PRKCE: variants seen among roughly 807,000 people sequenced by gnomAD.
The protein encoded by PRKCE is protein kinase C epsilon, also known as protein kinase C epsilon type.
PRKCE carries 16 observed loss-of-function variants against 85.4 expected under a neutral mutation model. The observed-to-expected ratio is 0.19, with a 90% CI of 0.13 to 0.28. The LOEUF is 0.28. PRKCE is among the 10% of genes least tolerant of loss of function. The pLI is 1.00. For synonymous variants in PRKCE, 388 were observed against 371.5 expected, an observed-to-expected ratio of 1.04 and a Z score of -0.51; for missense variants, 573 against 975.2, an observed-to-expected ratio of 0.59 and a Z score of 5.49.
chr2:45,959,332 A>G lies in PRKCE; in HGVS notation c.413-17097A>G, dbSNP rs139381019. Among the ~76,000 whole-genome samples, 150 of 152,266 alleles carry G rather than the reference A, an allele frequency of 9.9e-4. 1 individual carries two copies. The highest frequency in any genetic ancestry group is 3.6e-3 in the African/African-American group (149 of 41,542). On this transcript the variant is annotated intron_variant, in intron 2 of 14. Transcript: ENST00000306156. ...GTTTTTCTCAGGCAGGTGGTTTGGA[A>G]GAACAAAATATATAATGTCATGTCT...
intron 10 of PRKCE, chr2:46,010,815 G>A (rs1284594751): frequency 6.4e-6 from 10 of 1,573,220 alleles, no homozygotes; most frequent in Non-Finnish European, 8.6e-6. Context: ...AACAAGTGTG[G>A]TTAGTCCTTG....
At chr2:45,990,192 T>G (rs2245633) in intron 6 of PRKCE, among the ~76,000 whole-genome samples, 1 of 151,918 alleles carries the variant, frequency 6.6e-6, no homozygotes, top group Non-Finnish European at 1.5e-5. Context: ...ATCTGAAAAC[T>G]CAACTGGAAG....
intron 11 of PRKCE, among the ~76,000 whole-genome samples, chr2:46,130,803 C>G (rs907982348): frequency 3.3e-5 from 5 of 152,220 alleles, no homozygotes; most frequent in African/African-American, 1.2e-4. Flanking sequence ...GTAGAAAGTG[C>G]TGCTTGTTTT....
chr2:45,836,186 G>C (rs1276931232), intron 1 of PRKCE, among the ~76,000 whole-genome samples: 3 of 152,178 alleles, frequency 2.0e-5, no homozygotes, highest in African/African-American at 7.2e-5. Context: ...GGACAGACAG[G>C]GTCCTGCTTT....
intron 1 of PRKCE, among the ~76,000 whole-genome samples, chr2:45,659,642 A>T (rs1675542428): frequency 6.6e-6 from 1 of 151,870 alleles, no homozygotes; most frequent in Non-Finnish European, 1.5e-5. Context: ...CCCACTTGAC[A>T]CCCCTTAAAT....
rs938805076 is a variant in PRKCE at position 46,150,952 on chromosome 2, T to C, written c.1732-89T>C. The C allele has an allele frequency of 4.9e-6, 6 of 1,233,312 alleles. No individual in the cohort carries two copies. In the African/African-American group the frequency reaches 6.0e-5, roughly 12 times the overall value. The allele number at this position is 1,233,312 out of a possible 1,614,324, so 76.4% of individuals were successfully genotyped here. ...AACTGTAGGGAGGAGCAAGTTGGAATTGAAGTCCTTCCCATGGGCGTTCGT... is the reference window on the plus strand; with the variant it reads ...AACTGTAGGGAGGAGCAAGTTGGAACTGAAGTCCTTCCCATGGGCGTTCGT... On this transcript the variant is annotated intron_variant, in intron 12 of 14. Coordinates refer to ENST00000306156, the MANE Select transcript of PRKCE (RefSeq NM_005400.3).
At chr2:45,943,737 G>A (rs561932849) in intron 2 of PRKCE, among the ~76,000 whole-genome samples, 1 of 152,184 alleles carries the variant, frequency 6.6e-6, no homozygotes, top group Non-Finnish European at 1.5e-5. Flanking sequence ...CAGAAACCAA[G>A]CCTCCTCTCC....
intron 2 of PRKCE, among the ~76,000 whole-genome samples, chr2:45,948,759 G>A (rs1268294873): frequency 6.6e-6 from 1 of 152,170 alleles, no homozygotes; most frequent in Non-Finnish European, 1.5e-5. Context: ...CTGGGCTGAA[G>A]TTGGTGTTTA....
chr2:45,992,954 G>A (rs2104662980), intron 6 of PRKCE, among the ~76,000 whole-genome samples: 1 of 152,306 alleles, frequency 6.6e-6, no homozygotes, highest in Admixed American at 6.5e-5. Context: ...TAGTAGAAGA[G>A]CGCTTCTCTT....
At chr2:45,730,203 C>T (rs913797998) in intron 1 of PRKCE, among the ~76,000 whole-genome samples, 7 of 152,138 alleles carry the variant, frequency 4.6e-5, no homozygotes, top group African/African-American at 1.7e-4. Context: ...GCTCTGTCAC[C>T]CAGACTTGAG....
chr2:46,145,775 A>G lies in PRKCE; in HGVS notation c.1731+544A>G, dbSNP rs956150097. ...CCCAGCTACTTGGGAGGCTGAGGTG[A>G]AAGGATCAATTGAGCCCAGAAGGTT... On this transcript the variant is annotated intron_variant, in intron 12 of 14. Transcript: ENST00000306156. The surrounding 1 kb of genome is among the most constrained non-coding windows in gnomAD (Gnocchi z 4.6). Among the ~76,000 whole-genome samples, 3 of 152,106 alleles carry G rather than the reference A, an allele frequency of 2.0e-5. No individual in the cohort carries two copies. Among genetic ancestry groups the G allele is most frequent in the Non-Finnish European group, 4.4e-5 (3 of 67,998 alleles).
rs1046314345 is a variant in PRKCE, at chr2:46,154,956, G to A, written c.1920+3727G>A. Among the ~76,000 whole-genome samples the A allele has an allele frequency of 1.3e-5, 2 of 152,180 alleles. 1 individual carries two copies. The highest frequency in any genetic ancestry group is 1.3e-4 in the Admixed American group (2 of 15,284). Reference sequence around the variant, plus strand: ...TCCCAAGGGCTGAGAACAGTGCCAAGCACATTGTAGGAGCTATGTAACTGT... The same window carrying A: ...TCCCAAGGGCTGAGAACAGTGCCAAACACATTGTAGGAGCTATGTAACTGT... On this transcript the variant is annotated intron_variant, in intron 13 of 14. Transcript: ENST00000306156.
At chr2:45,972,898 A>T (rs1261887931) in intron 2 of PRKCE, among the ~76,000 whole-genome samples, 1 of 152,244 alleles carries the variant, frequency 6.6e-6, no homozygotes, top group African/African-American at 2.4e-5. Context: ...AAAGACAGAA[A>T]AAACAATCCT....
intron 6 of PRKCE, among the ~76,000 whole-genome samples, chr2:45,985,586 C>T (rs1703253496): frequency 6.6e-6 from 1 of 151,954 alleles, no homozygotes; most frequent in Non-Finnish European, 1.5e-5. Context: ...AAACCTAGGA[C>T]ATAACAAATT....
rs190720121 is a variant in PRKCE at position 46,179,035 on chromosome 2, C to G, written c.2068-5700C>G. 4.2e-4 allele frequency among the ~76,000 whole-genome samples: 64 copies of G among 152,256 alleles called. 1 individual carries two copies. Among genetic ancestry groups the G allele is most frequent in the Non-Finnish European group, 2.1e-4 (14 of 68,016 alleles). ...TCAGTTCAGGTCACACCCCATGAGG[C>G]AGAGGACCTCTGGGTTGGGGTCACT... On this transcript the variant is annotated intron_variant, in intron 14 of 14. Coordinates refer to ENST00000306156, the MANE Select transcript of PRKCE (RefSeq NM_005400.3).
At chr2:45,993,886 C>T (rs1033334735) in intron 6 of PRKCE, among the ~76,000 whole-genome samples, 2 of 152,086 alleles carry the variant, frequency 1.3e-5, no homozygotes, top group Non-Finnish European at 2.9e-5. Context: ...GGCCTGGCTG[C>T]GCTGGAGTTT....
intron 1 of PRKCE, among the ~76,000 whole-genome samples, chr2:45,691,769 A>G (rs1208030851): frequency 1.3e-5 from 2 of 152,180 alleles, no homozygotes; most frequent in African/African-American, 4.8e-5. Flanking sequence ...GCTAATGAGT[A>G]CAAGGTCACA....
intron 2 of PRKCE, among the ~76,000 whole-genome samples, chr2:45,954,828 T>C (rs1265123652): frequency 1.3e-5 from 2 of 152,214 alleles, no homozygotes; most frequent in Non-Finnish European, 2.9e-5. Flanking sequence ...ATTTTAATCA[T>C]GTATGCAAGA....
At chr2:45,974,620 T>G (rs535567603) in intron 2 of PRKCE, among the ~76,000 whole-genome samples, 1 of 152,144 alleles carries the variant, frequency 6.6e-6, no homozygotes, top group African/African-American at 2.4e-5. Context: ...TTTACCTCCT[T>G]CAATTTTACC....
Sources: gnomAD v4.1 joint callset for allele counts (sites outside exome capture counted in the v4.1 genomes callset) on GRCh38, gnomAD v4.1.1 for gene constraint, Gnocchi (gnomAD v3.1) non-coding constraint, MANE v1.5 for transcripts, NCBI Gene and HGNC (gene_info 2026-07-23, HGNC 2026-07-21) for gene names.